SLC24A2: variants seen among roughly 807,000 people sequenced by gnomAD.
SLC24A2 encodes the protein solute carrier family 24 member 2.
A neutral mutation model predicts 62.0 loss-of-function variants in SLC24A2; 36 were observed. That is an observed-to-expected ratio of 0.58 (90% confidence interval 0.44 to 0.77). The LOEUF is 0.77. SLC24A2 is among the 30% of genes least tolerant of loss of function. The pLI, the probability that SLC24A2 is intolerant of heterozygous loss-of-function variation, is 0.00. For missense variants in SLC24A2, 846 were observed against 817.9 expected, an observed-to-expected ratio of 1.03 and a Z score of -0.42; for synonymous variants, 358 against 294.0, an observed-to-expected ratio of 1.22 and a Z score of -2.23.
chr9:20,252,868 T>C, the SLC24A2 span, among the ~76,000 whole-genome samples: 3 of 152,246 alleles, frequency 2.0e-5, no homozygotes, highest in African/African-American at 7.2e-5. Flanking sequence ...CTGTCTGTTA[T>C]GCCTAACTAA....
the SLC24A2 span, among the ~76,000 whole-genome samples, chr9:20,047,132 C>T: frequency 6.6e-6 from 1 of 152,072 alleles, no homozygotes; most frequent in African/African-American, 2.4e-5. Context: ...CCTGAGGTTA[C>T]AACAGGTTAG....
intron 2 of SLC24A2, among the ~76,000 whole-genome samples, chr9:19,776,404 G>A (rs903640997): frequency 4.6e-5 from 7 of 152,186 alleles, no homozygotes; most frequent in African/African-American, 1.7e-4. Context: ...ATTTATTTCA[G>A]AGTGTTGATG....
chr9:19,849,653 G>C, the SLC24A2 span, among the ~76,000 whole-genome samples: 1 of 152,162 alleles, frequency 6.6e-6, no homozygotes, highest in African/African-American at 2.4e-5. Flanking sequence ...ACTCACCAAC[G>C]TGTAGGCTAT....
At chr9:19,585,041 T>G (rs1836328915) in intron 5 of SLC24A2, among the ~76,000 whole-genome samples, 1 of 152,158 alleles carries the variant, frequency 6.6e-6, no homozygotes. Context: ...TGAGAATATA[T>G]ACATAATTAT....
the SLC24A2 span, among the ~76,000 whole-genome samples, chr9:19,954,186 T>A: frequency 6.6e-6 from 1 of 152,146 alleles, no homozygotes; most frequent in African/African-American, 2.4e-5. Flanking sequence ...TTTTACACTT[T>A]ATAAATTTCC....
At chr9:20,257,740 T>A in the SLC24A2 span, among the ~76,000 whole-genome samples, 3 of 152,228 alleles carry the variant, frequency 2.0e-5, no homozygotes, top group African/African-American at 7.2e-5. Context: ...CAGTTTGTTA[T>A]GACAACTAAA....
At chr9:19,791,539 G>T (rs1823320595), upstream of SLC24A2, among the ~76,000 whole-genome samples, 1 of 152,202 alleles carries the variant, frequency 6.6e-6, no homozygotes, top group Admixed American at 6.5e-5. Flanking sequence ...CTCAAGATTT[G>T]ACAGTTGACC....
chr9:20,306,618 C>T, the SLC24A2 span, among the ~76,000 whole-genome samples: 1 of 152,238 alleles, frequency 6.6e-6, no homozygotes, highest in Admixed American at 6.5e-5. Context: ...TGGGCAGGGC[C>T]GTGTTGGGTG....
chr9:19,538,763 A>T (rs898240158), intron 8 of SLC24A2, among the ~76,000 whole-genome samples: 1 of 131,112 alleles, frequency 7.6e-6, no homozygotes, highest in African/African-American at 2.9e-5. Context: ...TGATTGGAAT[A>T]GTTTCAGAAG....
At chr9:19,705,401 TGG>T (rs1820482863) in intron 2 of SLC24A2, 1 of 163,768 alleles carries the variant, frequency 6.1e-6, no homozygotes, top group Admixed American at 6.5e-5. Context: ...TCTGAGGTAC[TGG>T]GTGGTTGGGG....
the SLC24A2 span, among the ~76,000 whole-genome samples, chr9:19,969,440 C>CA: frequency 6.6e-6 from 1 of 152,098 alleles, no homozygotes; most frequent in African/African-American, 2.4e-5. Context: ...CAATAAAGCA[C>CA]AAAAAAATTC....
chr9:19,600,197 T>A (rs1486266013), intron 4 of SLC24A2, among the ~76,000 whole-genome samples: 1 of 152,192 alleles, frequency 6.6e-6, no homozygotes, highest in Non-Finnish European at 1.5e-5. Flanking sequence ...GGTCGGTGTT[T>A]GAGATGAGCC....
chr9:19,675,693 C>T (rs778049310), intron 2 of SLC24A2, among the ~76,000 whole-genome samples: 5 of 152,152 alleles, frequency 3.3e-5, no homozygotes, highest in Admixed American at 1.3e-4. Context: ...AAATCAGTCT[C>T]GCTCCTACCG....
At chr9:19,636,322 T>TTCTTTTCTTTTC (rs376017966) in intron 2 of SLC24A2, among the ~76,000 whole-genome samples, 703 of 30,424 alleles carry the variant, frequency 0.023, 50 homozygotes, top group Middle Eastern at 0.054. Context: ...TTCTTTTCTT[T>TTCTTTTCTTTTC]CTTTCTTTCT....
At chr9:20,028,056 G>A in the SLC24A2 span, among the ~76,000 whole-genome samples, 1 of 152,134 alleles carries the variant, frequency 6.6e-6, no homozygotes, top group Admixed American at 6.5e-5. Context: ...GCTGTGCAGG[G>A]GAGACCCCTG....
the SLC24A2 span, among the ~76,000 whole-genome samples, chr9:20,124,210 G>T: frequency 6.6e-6 from 1 of 151,980 alleles, no homozygotes; most frequent in Non-Finnish European, 1.5e-5. Context: ...TTGGCAAAGT[G>T]CCATGTATGT....
chr9:20,239,082 C>T, the SLC24A2 span, among the ~76,000 whole-genome samples: 1 of 152,188 alleles, frequency 6.6e-6, no homozygotes, highest in Non-Finnish European at 1.5e-5. Flanking sequence ...CTTCTTTAAG[C>T]CACTCAGTCT....
the SLC24A2 span, among the ~76,000 whole-genome samples, chr9:20,285,739 T>G: frequency 6.6e-6 from 1 of 152,096 alleles, no homozygotes; most frequent in Non-Finnish European, 1.5e-5. Flanking sequence ...AAAGTAAGGT[T>G]CAAACATTAC....
chr9:19,530,154 G>C (rs982294333), intron 8 of SLC24A2, among the ~76,000 whole-genome samples: 3 of 148,892 alleles, frequency 2.0e-5, no homozygotes, highest in African/African-American at 7.5e-5. Flanking sequence ...AGTGCTAAGA[G>C]ATGAAGTTTT....
Sources: gnomAD v4.1 joint callset for allele counts (sites outside exome capture counted in the v4.1 genomes callset) on GRCh38, gnomAD v4.1.1 for gene constraint, MANE v1.5 for transcripts, NCBI Gene and HGNC (gene_info 2026-07-23, HGNC 2026-07-21) for gene names.